The following KCNQ1 variants were observed in gnomAD, a reference collection of about 807,000 sequenced individuals.
KCNQ1 encodes potassium voltage-gated channel subfamily Q member 1, also known as potassium voltage-gated channel subfamily KQT member 1.
A neutral mutation model predicts 72.4 loss-of-function variants in KCNQ1; 49 were observed. The ratio of observed to expected loss-of-function variants is 0.68; its 90% CI spans 0.54 to 0.86. The LOEUF (loss-of-function observed/expected upper bound fraction) is 0.86, where lower values mean the gene tolerates loss of function less well. Ranked by LOEUF, KCNQ1 falls within the 40% of genes least tolerant of loss-of-function variation. The pLI is 0.00. For missense variants in KCNQ1, 790 were observed against 945.1 expected, an observed-to-expected ratio of 0.84 and a Z score of 2.15; for synonymous variants, 450 against 412.6, an observed-to-expected ratio of 1.09 and a Z score of -1.10.
chr11:2,587,459 C>G, intron 8 of KCNQ1, 111 bp from the exon 9 acceptor site: 8 of 1,506,274 alleles, frequency 5.3e-6, no homozygotes, highest in Non-Finnish European at 7.3e-6. Context: ...ACCCTGCCAC[C>G]CAGAGGGGAG....
chr11:2,774,111 C>A (rs531109089), intron 12 of KCNQ1, among the ~76,000 whole-genome samples: 1 of 152,250 alleles, frequency 6.6e-6, no homozygotes, highest in East Asian at 1.9e-4. Flanking sequence ...AAACAGGGCT[C>A]AGCATCCCCT....
At chr11:2,466,098 C>T (rs1448744003) in intron 1 of KCNQ1, among the ~76,000 whole-genome samples, 1 of 152,228 alleles carries the variant, frequency 6.6e-6, no homozygotes, top group African/African-American at 2.4e-5. Flanking sequence ...ACCCAGGGGG[C>T]TCAGGGACGT....
rs1424487729 is a variant in KCNQ1 at position 2,602,276 on chromosome 11, G to C, written c.1393+13422G>C. Reference sequence around the variant, plus strand: ...TCAGACTTCTGGCCTCTAGAACTGTGAGAAAAAAAAAAAAAGCGTGTCTTG... The same window carrying C: ...TCAGACTTCTGGCCTCTAGAACTGTCAGAAAAAAAAAAAAAGCGTGTCTTG... On this transcript the variant is annotated intron_variant, in intron 10 of 15. Transcript: ENST00000155840. The surrounding 1 kb of genome is among the most constrained non-coding windows in gnomAD (Gnocchi z 4.8). Among the ~76,000 whole-genome samples, 1 of 147,522 alleles carries C rather than the reference G, an allele frequency of 6.8e-6. No homozygotes were observed. The highest frequency in any genetic ancestry group is 2.5e-5 in the African/African-American group (1 of 40,184).
chr11:2,563,538 G>A lies in KCNQ1; in HGVS notation c.478-7090G>A, dbSNP rs1174654740. On this transcript the variant is annotated intron_variant, in intron 2 of 15. Transcript: ENST00000155840. This position sits in a 1 kb window ranked among gnomAD's most constrained non-coding sequence, Gnocchi z 7.4. ...AGCTTCCATTTTCCTTCCGCACCAT[G>A]CACTGATTTCCCCTGGGTTGAGGTT... Among the ~76,000 whole-genome samples the A allele has an allele frequency of 6.6e-6, 1 of 152,194 alleles. No homozygotes were observed. The highest frequency in any genetic ancestry group is 2.4e-5 in the African/African-American group (1 of 41,452).
chr11:2,624,857 C>G lies in KCNQ1; in HGVS notation c.1393+36003C>G. On this transcript the variant is annotated intron_variant, in intron 10 of 15. Transcript: ENST00000155840. The surrounding 1 kb of genome is among the most constrained non-coding windows in gnomAD (Gnocchi z 4.9). Reference sequence around the variant, plus strand: ...TACAGTACTTCTCTTCTTGTGACTGCTGTATTTCATTTAACATAATGGCCT... The same window carrying G: ...TACAGTACTTCTCTTCTTGTGACTGGTGTATTTCATTTAACATAATGGCCT... 1 of 398,524 alleles carries G rather than the reference C, an allele frequency of 2.5e-6. No homozygotes were observed. The highest frequency in any genetic ancestry group is 4.4e-6 in the Non-Finnish European group (1 of 226,054). The allele number at this position is 398,524 out of a possible 1,614,324, so 24.7% of individuals were successfully genotyped here.
At chr11:2,644,608 G>A in intron 10 of KCNQ1, 1 of 398,490 alleles carries the variant, frequency 2.5e-6, no homozygotes, top group Non-Finnish European at 4.4e-6. Flanking sequence ...GAGTTGTCAT[G>A]TTTTGCCTTT....
chr11:2,460,634 T>C (rs967166104), intron 1 of KCNQ1, among the ~76,000 whole-genome samples: 3 of 152,152 alleles, frequency 2.0e-5, no homozygotes, highest in Non-Finnish European at 4.4e-5. Flanking sequence ...GACCGCAAAT[T>C]TGCATGGGCC....
At position 2,601,500 on chromosome 11, in the gene KCNQ1, G is replaced by A. The variant is rs939256553; in HGVS notation, c.1393+12646G>A. ...CAATATGATAACCAGGATGTCAACA[G>A]CAAGAGTCCAGATGCAGAGTGCTCC... On this transcript the variant is annotated intron_variant, in intron 10 of 15. Transcript: ENST00000155840. The surrounding 1 kb of genome is among the most constrained non-coding windows in gnomAD (Gnocchi z 5.2). 6.6e-6 allele frequency among the ~76,000 whole-genome samples: 1 copy of A among 152,196 alleles called. No individual in the cohort carries two copies. The highest frequency in any genetic ancestry group is 6.5e-5 in the Admixed American group (1 of 15,272).
rs1036765096 is a variant in KCNQ1, at chr11:2,498,310, C to T, written c.387-29618C>T. ...CACAGCCACCCCTTCTCCAGGTGCT[C>T]TGTCCCAGGGAAATGGGAGTTTTAT... On this transcript the variant is annotated intron_variant, in intron 1 of 15. Coordinates refer to ENST00000155840, the MANE Select transcript of KCNQ1 (RefSeq NM_000218.3). This position sits in a 1 kb window ranked among gnomAD's most constrained non-coding sequence, Gnocchi z 4.8. Among the ~76,000 whole-genome samples, 1 of 152,238 alleles carries T rather than the reference C, an allele frequency of 6.6e-6. No individual in the cohort carries two copies. Among genetic ancestry groups the T allele is most frequent in the Non-Finnish European group, 1.5e-5 (1 of 68,044 alleles).
intron 10 of KCNQ1, chr11:2,640,544 C>A: frequency 5.1e-6 from 2 of 391,322 alleles, no homozygotes; most frequent in Non-Finnish European, 4.4e-6. Flanking sequence ...CCTTGGCCCC[C>A]CAAAGCACTG....
rs140427016 is a variant in KCNQ1, at chr11:2,462,355, T to G, written c.386+16871T>G. 0.012 allele frequency among the ~76,000 whole-genome samples: 1,755 copies of G among 152,318 alleles called. 20 individuals are homozygous for G. Among genetic ancestry groups the G allele is most frequent in the South Asian group, 0.029 (140 of 4,826 alleles). On this transcript the variant is annotated intron_variant, in intron 1 of 15. Coordinates refer to ENST00000155840, the MANE Select transcript of KCNQ1 (RefSeq NM_000218.3). The surrounding 1 kb of genome is among the most constrained non-coding windows in gnomAD (Gnocchi z 8.2). Reference sequence around the variant, plus strand: ...CCTCTGACTTGCCTCCTCCTCCTTCTGACTTGCCTCCTCTCTCTGACGGGC... The same window carrying G: ...CCTCTGACTTGCCTCCTCCTCCTTCGGACTTGCCTCCTCTCTCTGACGGGC...
At chr11:2,575,340 C>G (rs545871446) in intron 6 of KCNQ1, among the ~76,000 whole-genome samples, 1 of 152,286 alleles carries the variant, frequency 6.6e-6, no homozygotes, top group East Asian at 1.9e-4. Flanking sequence ...TTGTTCCCGC[C>G]AGGCCCCGCG....
Position 2,611,990 on chromosome 11 carries a change from A to G in KCNQ1, c.1393+23136A>G, listed in dbSNP as rs558878954. 9.8e-5 allele frequency: 39 copies of G among 398,638 alleles called. No individual in the cohort carries two copies. The highest frequency in any genetic ancestry group is 7.0e-4 in the African/African-American group (34 of 48,758). 24.7% of individuals were successfully genotyped at this position (398,638 alleles called of 1,614,324 possible). On this transcript the variant is annotated intron_variant, in intron 10 of 15. Coordinates refer to ENST00000155840, the MANE Select transcript of KCNQ1 (RefSeq NM_000218.3). The surrounding 1 kb of genome is among the most constrained non-coding windows in gnomAD (Gnocchi z 5.3). ...CTATTCTCTCCTTCTCAGTACTCTT[A>G]TTAACACATATGTTGTTACTCCTTA... is the stretch of plus-strand genomic sequence containing the variant.
intron 15 of KCNQ1, among the ~76,000 whole-genome samples, chr11:2,829,211 A>C (rs902798954): frequency 1.3e-5 from 2 of 152,204 alleles, no homozygotes. Flanking sequence ...ACAAAAGGCC[A>C]AGAGAATTTT....
At position 2,544,264 on chromosome 11, in the gene KCNQ1, G is replaced by GTATATATGTATATA. The variant is rs1564811915; in HGVS notation, c.477+16247_477+16248insATATATGTATATAT. Among the ~76,000 whole-genome samples the GTATATATGTATATA allele has an allele frequency of 7.2e-6, 1 of 138,378 alleles. No individual in the cohort carries two copies. The highest frequency in any genetic ancestry group is 2.8e-5 in the African/African-American group (1 of 35,460). The allele number at this position is 138,378 out of a possible 152,430, so 90.8% of individuals were successfully genotyped here. A position where few individuals can be genotyped will look rare whatever the true frequency, so the allele number is the denominator to read the frequency against. ...TGTGTGTGTGTATATATATATGTGT[G>GTATATATGTATATA]TGTGTGTATATATATGTGTATATAT... On this transcript the variant is annotated intron_variant, in intron 2 of 15. Transcript: ENST00000155840. This position sits in a 1 kb window ranked among gnomAD's most constrained non-coding sequence, Gnocchi z 4.4.
intron 15 of KCNQ1, among the ~76,000 whole-genome samples, chr11:2,837,377 A>G (rs1314692928): frequency 6.6e-6 from 1 of 151,988 alleles, no homozygotes; most frequent in Non-Finnish European, 1.5e-5. Context: ...CCTGGGGCCC[A>G]GGAGAGCCCG....
At chr11:2,775,913 G>T in intron 12 of KCNQ1, 47 bp from the exon 13 acceptor site, 1 of 1,533,304 alleles carries the variant, frequency 6.5e-7, no homozygotes, top group Non-Finnish European at 8.8e-7. Context: ...GAGCCACATG[G>T]CTGGGGCACA....
At chr11:2,825,186 G>A (rs75589588) in intron 15 of KCNQ1, among the ~76,000 whole-genome samples, 1 of 141,044 alleles carries the variant, frequency 7.1e-6, no homozygotes, top group Non-Finnish European at 1.5e-5. Flanking sequence ...CGGGACTGGG[G>A]CTGGGGCCCG....
rs1441533193 is a variant in KCNQ1, at chr11:2,657,424, CTTAG to C, written c.1394-4532_1394-4529del. 4.0e-5 allele frequency: 16 copies of C among 398,408 alleles called. No homozygotes were observed. Among genetic ancestry groups the C allele is most frequent in the East Asian group, 1.1e-4 (3 of 28,066 alleles). 24.7% of individuals were successfully genotyped at this position (398,408 alleles called of 1,614,324 possible). On this transcript the variant is annotated intron_variant, in intron 10 of 15. Transcript: ENST00000155840. The surrounding 1 kb of genome is among the most constrained non-coding windows in gnomAD (Gnocchi z 4.8). ...ATTTTCTCCAGAGTTCTTGCATATA[CTTAG>C]TTAGATAATTAATATTCTTTTGTGC...
Sources: allele counts gnomAD v4.1 joint callset (sites outside exome capture counted in the v4.1 genomes callset), GRCh38; gene constraint gnomAD v4.1.1; non-coding constraint Gnocchi (gnomAD v3.1); transcripts MANE v1.5; gene names NCBI Gene and HGNC (gene_info 2026-07-23, HGNC 2026-07-21).